WWC1: variants seen among roughly 807,000 people sequenced by gnomAD.
The protein encoded by WWC1 is WW and C2 domain containing 1.
A neutral mutation model predicts 138.4 loss-of-function variants in WWC1; 55 were observed. The ratio of observed to expected loss-of-function variants is 0.40; its 90% CI spans 0.32 to 0.50. The LOEUF is 0.50. WWC1 is among the 20% of genes least tolerant of loss of function. The pLI is 0.72. For missense variants in WWC1, 1,226 were observed against 1,420.4 expected (o/e 0.86, Z 2.20); for synonymous variants, 524 against 564.9 (o/e 0.93, Z 1.03).
At chr5:168,368,159 C>T (rs548122029) in intron 1 of WWC1, among the ~76,000 whole-genome samples, 4 of 148,516 alleles carry the variant, frequency 2.7e-5, no homozygotes, top group East Asian at 2.0e-4. Flanking sequence ...GGCACGATCT[C>T]GGCTCATCGC....
At chr5:168,460,377 C>T (rs2152891435) in intron 19 of WWC1, among the ~76,000 whole-genome samples, 1 of 152,366 alleles carries the variant, frequency 6.6e-6, no homozygotes, top group South Asian at 2.1e-4. Flanking sequence ...GCTCCTATCA[C>T]ATGGGGTTGT....
chr5:168,339,643 A>AAT (rs1246977600), intron 1 of WWC1, among the ~76,000 whole-genome samples: 1 of 152,178 alleles, frequency 6.6e-6, no homozygotes, highest in Non-Finnish European at 1.5e-5. Flanking sequence ...TGTGAGGTTG[A>AAT]AATAAGGTAC....
intron 1 of WWC1, among the ~76,000 whole-genome samples, chr5:168,345,139 CTG>C (rs2152781732): frequency 6.6e-6 from 1 of 152,260 alleles, no homozygotes; most frequent in South Asian, 2.1e-4. Context: ...GAGGTTCACT[CTG>C]TTGCCCAGGC....
chr5:168,316,402 C>G (rs1277456825), intron 1 of WWC1, among the ~76,000 whole-genome samples: 5 of 152,154 alleles, frequency 3.3e-5, no homozygotes, highest in Non-Finnish European at 1.5e-5. Context: ...AGGGTGCCTC[C>G]TGGAAGCTGG....
At chr5:168,448,987 C>T (rs930221705) in intron 17 of WWC1, among the ~76,000 whole-genome samples, 5 of 152,144 alleles carry the variant, frequency 3.3e-5, no homozygotes, top group African/African-American at 1.2e-4. Context: ...GCCTCTCTGA[C>T]ACTCAATCTA....
intron 17 of WWC1, among the ~76,000 whole-genome samples, chr5:168,447,918 C>T (rs1261423605): frequency 6.6e-6 from 1 of 151,968 alleles, no homozygotes; most frequent in Admixed American, 6.6e-5. Context: ...CACTCTACTA[C>T]GGATCACACA....
chr5:168,429,808 A>G (rs1395190101), intron 13 of WWC1, among the ~76,000 whole-genome samples: 2 of 151,996 alleles, frequency 1.3e-5, no homozygotes, highest in Non-Finnish European at 2.9e-5. Flanking sequence ...GGTGGTGAAC[A>G]CCTGTAGTCC....
intron 15 of WWC1, among the ~76,000 whole-genome samples, chr5:168,438,712 G>A (rs1017347266): frequency 2.0e-5 from 3 of 151,866 alleles, no homozygotes; most frequent in African/African-American, 4.8e-5. Flanking sequence ...CCTGACCAGG[G>A]CTCATTTTTG....
chr5:168,393,188 CAG>C (rs1269272157), intron 3 of WWC1, among the ~76,000 whole-genome samples: 4 of 152,180 alleles, frequency 2.6e-5, no homozygotes, highest in African/African-American at 7.2e-5. Context: ...ACAGAGGAAA[CAG>C]AGGAGAAAAG....
chr5:168,385,454 C>T (rs778643617), intron 3 of WWC1, 40 bp downstream of exon 3: 3 of 1,594,008 alleles, frequency 1.9e-6, no homozygotes, highest in Non-Finnish European at 1.7e-6. Context: ...CCGACACCAA[C>T]AGAGAATGGC....
intron 1 of WWC1, among the ~76,000 whole-genome samples, chr5:168,350,429 T>A (rs1048541024): frequency 6.6e-6 from 1 of 152,200 alleles, no homozygotes; most frequent in Non-Finnish European, 1.5e-5. Context: ...AAATGGGTGC[T>A]TGGTGGCAGA....
intron 1 of WWC1, among the ~76,000 whole-genome samples, chr5:168,357,240 A>G (rs1199807945): frequency 2.0e-5 from 3 of 151,854 alleles, no homozygotes; most frequent in African/African-American, 7.3e-5. Flanking sequence ...CACTCATAAG[A>G]TGCTGAGGTT....
intron 9 of WWC1, among the ~76,000 whole-genome samples, chr5:168,416,863 T>A (rs2152845994): frequency 6.6e-6 from 1 of 152,302 alleles, no homozygotes. Context: ...CCATCAACTT[T>A]ATGTTTTATT....
intron 7 of WWC1, 108 bp downstream of exon 7, chr5:168,408,761 T>A (rs6887919): frequency 6.8e-7 from 1 of 1,474,526 alleles, no homozygotes; most frequent in Non-Finnish European, 9.2e-7. Context: ...TGGCCAGGGG[T>A]TCTCTGCAGG....
chr5:168,395,160 T>G (rs529121326), intron 3 of WWC1, among the ~76,000 whole-genome samples: 1 of 152,324 alleles, frequency 6.6e-6, no homozygotes, highest in South Asian at 2.1e-4. Context: ...CCTGTCTGAG[T>G]CAGGTCTTGC....
chr5:168,293,163 T>G (rs1433756113), intron 1 of WWC1, among the ~76,000 whole-genome samples: 1 of 152,186 alleles, frequency 6.6e-6, no homozygotes, highest in African/African-American at 2.4e-5. Flanking sequence ...TCTCCAGACT[T>G]TCTCCTGGTT....
intron 1 of WWC1, among the ~76,000 whole-genome samples, chr5:168,317,645 A>G (rs17051843): frequency 0.2 from 30,106 of 152,086 alleles, 3,278 homozygotes; most frequent in African/African-American, 0.27. Context: ...AGAAATGTGA[A>G]CACAGAGGCC....
intron 1 of WWC1, among the ~76,000 whole-genome samples, chr5:168,369,646 A>G (rs1776583444): frequency 6.6e-6 from 1 of 152,226 alleles, no homozygotes; most frequent in Non-Finnish European, 1.5e-5. Flanking sequence ...ACAGTGCAGC[A>G]GTAAATTACT....
intron 6 of WWC1, among the ~76,000 whole-genome samples, chr5:168,407,040 C>A (rs752240861): frequency 1.3e-5 from 2 of 152,138 alleles, no homozygotes; most frequent in African/African-American, 2.4e-5. Flanking sequence ...GATTCTCCCA[C>A]CTTAGCCTCC....
Sources: allele counts gnomAD v4.1 joint callset (sites outside exome capture counted in the v4.1 genomes callset), GRCh38; gene constraint gnomAD v4.1.1; transcripts MANE v1.5; gene names NCBI Gene and HGNC (gene_info 2026-07-23, HGNC 2026-07-21).